Variants in ADAMTS9 observed in about 807,000 individuals in gnomAD.
ADAMTS9 encodes the protein A disintegrin and metalloproteinase with thrombospondin motifs 9.
A neutral mutation model predicts 257.1 loss-of-function variants in ADAMTS9; 107 were observed. That is an observed-to-expected ratio of 0.42 (90% CI 0.36 to 0.49). ADAMTS9 has a LOEUF of 0.49. Among genes scored for constraint, ADAMTS9 ranks in the 20% least tolerant of loss-of-function variants. The pLI is 0.03. For synonymous variants in ADAMTS9, 982 were observed against 880.9 expected, an observed-to-expected ratio of 1.11 and a Z score of -2.03; for missense variants, 2,353 against 2,469.1, an observed-to-expected ratio of 0.95 and a Z score of 1.00.
rs550028966 is a variant in ADAMTS9, at chr3:64,546,758, G to C, written c.5064C>G (p.Ser1688Arg). 1 of 1,595,380 alleles carries C rather than the reference G, an allele frequency of 6.3e-7. No homozygotes were observed. Among genetic ancestry groups the C allele is most frequent in the Non-Finnish European group, 8.5e-7 (1 of 1,171,886 alleles). ...TTTGAGTGCTCAGTCTTCTACTTAC[G>C]CTCCCCCAGTTGCCAACTCTCCAGG... ...SATWRVGNWG[S>R]CSVSCGVGVM... Residue 1688 changes from serine (S) to arginine (R), a missense_variant and splice_region_variant, in exon 32 of 40, where the codon AGC (serine) becomes AGG (arginine). This residue lies in a region of ADAMTS9 where 1,402 missense variants were observed against 1,441.4 expected (regional missense o/e 0.97). Coordinates refer to ENST00000498707, the MANE Select transcript of ADAMTS9 (RefSeq NM_182920.2).
At chr3:64,625,022 C>T (rs1171937460) in intron 16 of ADAMTS9, among the ~76,000 whole-genome samples, 4 of 152,016 alleles carry the variant, frequency 2.6e-5, no homozygotes, top group African/African-American at 7.3e-5. Flanking sequence ...CCCCCCTTAC[C>T]GTCTGTAATT....
Position 64,608,994 on chromosome 3 carries a change from C to T in ADAMTS9, c.3355-1915G>A, listed in dbSNP as rs182055399. ...CATAAGAAAATCAATCAATGCAATA[C>T]ATTACGTTAATAGAACAATGGAAAA... is the stretch of plus-strand genomic sequence containing the variant. On this transcript the variant is annotated intron_variant, in intron 22 of 39. Transcript: ENST00000498707. Among the ~76,000 whole-genome samples, 206 of 151,680 alleles carry T rather than the reference C, an allele frequency of 1.4e-3. 1 individual carries two copies. Among genetic ancestry groups the T allele is most frequent in the African/African-American group, 4.7e-3 (195 of 41,314 alleles).
chr3:64,613,267 C>T lies in ADAMTS9; in HGVS notation c.3354+78G>A, dbSNP rs553931493. ...CGGCACAGCGGTTAAATCTCCACCA[C>T]TGGAATGCTCCTTTGCAAGTCCTCT... On this transcript the variant is annotated intron_variant, in intron 22 of 39. Coordinates refer to ENST00000498707, the MANE Select transcript of ADAMTS9 (RefSeq NM_182920.2). The T allele has an allele frequency of 1.1e-3, 1,692 of 1,545,308 alleles. 2 individuals are homozygous for T. The highest frequency in any genetic ancestry group is 1.4e-3 in the Non-Finnish European group (1,568 of 1,138,640).
At chr3:64,539,967 G>A (rs1041427962) in intron 36 of ADAMTS9, among the ~76,000 whole-genome samples, 8 of 152,234 alleles carry the variant, frequency 5.3e-5, no homozygotes, top group African/African-American at 1.4e-4. Context: ...GAGTTAACCC[G>A]AGAATCCTGC....
intron 11 of ADAMTS9, among the ~76,000 whole-genome samples, chr3:64,643,147 A>G (rs1392287285): frequency 6.6e-6 from 1 of 152,154 alleles, no homozygotes; most frequent in African/African-American, 2.4e-5. Flanking sequence ...GACCCATGAA[A>G]TGCGCACTGA....
At chr3:64,653,530 A>G (rs2106953436) in intron 8 of ADAMTS9, among the ~76,000 whole-genome samples, 1 of 152,330 alleles carries the variant, frequency 6.6e-6, no homozygotes, top group African/African-American at 2.4e-5. Flanking sequence ...CACTGCACAT[A>G]GGGGACCTTA....
chr3:64,650,849 T>C, intron 9 of ADAMTS9, 168 bp downstream of exon 9: 1 of 653,548 alleles, frequency 1.5e-6, no homozygotes, highest in Non-Finnish European at 2.4e-6. Context: ...GGATATGAAC[T>C]ACACAGATGT....
chr3:64,551,103 C>G, intron 30 of ADAMTS9, 41 bp from the exon 31 acceptor site: 1 of 1,597,920 alleles, frequency 6.3e-7, no homozygotes, highest in Non-Finnish European at 8.6e-7. Flanking sequence ...ACCGTAGTTC[C>G]TTATATCCTA....
intron 12 of ADAMTS9, among the ~76,000 whole-genome samples, chr3:64,641,204 T>C (rs1700628593): frequency 6.6e-6 from 1 of 152,118 alleles, no homozygotes; most frequent in African/African-American, 2.4e-5. Context: ...ATTTTTTTGT[T>C]TCCATGTGAA....
intron 11 of ADAMTS9, among the ~76,000 whole-genome samples, chr3:64,643,664 T>C (rs1453770669): frequency 1.3e-5 from 2 of 151,824 alleles, no homozygotes; most frequent in East Asian, 3.9e-4. Context: ...GGGGTCTTAG[T>C]ATGTTGCCCA....
At chr3:64,581,070 A>T (rs1464582312) in intron 28 of ADAMTS9, among the ~76,000 whole-genome samples, 1 of 152,198 alleles carries the variant, frequency 6.6e-6, no homozygotes. Flanking sequence ...CTATTTTGCA[A>T]GGATTATAAG....
At chr3:64,620,505 T>G (rs183596581) in intron 19 of ADAMTS9, among the ~76,000 whole-genome samples, 1 of 152,280 alleles carries the variant, frequency 6.6e-6, no homozygotes, top group African/African-American at 2.4e-5. Context: ...TACTTAATAT[T>G]TCAATATGAC....
intron 16 of ADAMTS9, among the ~76,000 whole-genome samples, chr3:64,626,521 G>C (rs1393708446): frequency 6.6e-6 from 1 of 152,068 alleles, no homozygotes; most frequent in Non-Finnish European, 1.5e-5. Context: ...TTGACTAATA[G>C]ACATTGGAGA....
chr3:64,581,210 C>T (rs902810287), intron 28 of ADAMTS9, among the ~76,000 whole-genome samples: 20 of 152,060 alleles, frequency 1.3e-4, no homozygotes, highest in African/African-American at 4.6e-4. Context: ...CAAATGGGCA[C>T]CTATATGTGC....
rs1701047795 is a variant in ADAMTS9 at position 64,655,561 on chromosome 3, A to G, written c.1169+15T>C. The G allele has an allele frequency of 6.3e-7, 1 of 1,592,514 alleles. No homozygotes were observed. The highest frequency in any genetic ancestry group is 1.3e-5 in the African/African-American group (1 of 74,574). On this transcript the variant is annotated intron_variant, in intron 6 of 39. Transcript: ENST00000498707. ...CCTGAGACTGAAAGATCTGAGGAAT[A>G]AGAAATCCATATACCTTGTTAAGAG...
At chr3:64,659,703 C>A (rs2106974447) in intron 3 of ADAMTS9, among the ~76,000 whole-genome samples, 1 of 152,224 alleles carries the variant, frequency 6.6e-6, no homozygotes, top group Admixed American at 6.5e-5. Flanking sequence ...CTCCAGGGCT[C>A]AGTTAAGGAA....
At chr3:64,542,433 T>TC (rs1553701121) in intron 32 of ADAMTS9, among the ~76,000 whole-genome samples, 2 of 142,250 alleles carry the variant, frequency 1.4e-5, no homozygotes, top group Non-Finnish European at 3.1e-5. Context: ...TTTCTTTCTT[T>TC]TTTTTTTTTT....
chr3:64,603,842 T>C lies in ADAMTS9; in HGVS notation c.3747+80A>G, dbSNP rs968180785. 4.1e-6 allele frequency: 6 copies of C among 1,454,650 alleles called. No homozygotes were observed. The Admixed American group carries it at 9.6e-5, about 23-fold the overall frequency. 90.1% of individuals were successfully genotyped at this position (1,454,650 alleles called of 1,614,324 possible). On this transcript the variant is annotated intron_variant, in intron 25 of 39. Coordinates refer to ENST00000498707, the MANE Select transcript of ADAMTS9 (RefSeq NM_182920.2). ...AATATTACCCATTGACATTTCCAAG[T>C]GGCGCCCCCCTCCGCTGACTCCTCA...
At chr3:64,529,167 T>C (rs535478298) in intron 38 of ADAMTS9, among the ~76,000 whole-genome samples, 1 of 152,328 alleles carries the variant, frequency 6.6e-6, no homozygotes, top group South Asian at 2.1e-4. Context: ...AGCTGCCCAA[T>C]AAATAGTAGC....
Sources: gnomAD v4.1 joint callset for allele counts (sites outside exome capture counted in the v4.1 genomes callset) on GRCh38, gnomAD v4.1.1 for gene constraint, gnomAD v4.1.1 regional missense constraint, MANE v1.5 for transcripts, NCBI Gene and HGNC (gene_info 2026-07-23, HGNC 2026-07-21) for gene names.